The following SH3PXD2A variants were observed in gnomAD, a reference collection of about 807,000 sequenced individuals.
SH3PXD2A encodes the protein SH3 and PX domains 2A.
Under a neutral mutation model 115.2 loss-of-function variants are expected in SH3PXD2A, and 32 were observed. The ratio of observed to expected loss-of-function variants is 0.28; its 90% CI spans 0.21 to 0.37. The LOEUF (loss-of-function observed/expected upper bound fraction) is 0.37. SH3PXD2A is among the 10% of genes least tolerant of loss of function. SH3PXD2A has a pLI of 1.00. For synonymous variants in SH3PXD2A, 610 were observed against 629.1 expected, an observed-to-expected ratio of 0.97 and a Z score of 0.45; for missense variants, 1,328 against 1,498.7, an observed-to-expected ratio of 0.89 and a Z score of 1.88.
chr10:103,704,576 C>T (rs1203809942), intron 5 of SH3PXD2A, among the ~76,000 whole-genome samples: 8 of 152,334 alleles, frequency 5.3e-5, no homozygotes, highest in South Asian at 2.1e-4. Flanking sequence ...GGATCCCCCT[C>T]GATGCTGGAC....
chr10:103,679,571 A>G (rs1424255045), intron 6 of SH3PXD2A, among the ~76,000 whole-genome samples: 1 of 152,248 alleles, frequency 6.6e-6, no homozygotes, highest in Non-Finnish European at 1.5e-5. Flanking sequence ...TCCCCTGACC[A>G]GAACCCTGTG....
At chr10:103,731,818 AAGTCTGGGAAGTGGGAATAAAAATGAATG>A (rs2038323145) in intron 4 of SH3PXD2A, among the ~76,000 whole-genome samples, 1 of 152,194 alleles carries the variant, frequency 6.6e-6, no homozygotes. Flanking sequence ...CTCAGTTTTC[AAGTCTGGGAAGTGGGAATAAAAATGAATG>A]AGTCTGGGAA....
At chr10:103,682,500 G>A (rs1246363654) in intron 6 of SH3PXD2A, among the ~76,000 whole-genome samples, 5 of 152,218 alleles carry the variant, frequency 3.3e-5, no homozygotes, top group African/African-American at 7.2e-5. Context: ...GCTCATGCCT[G>A]TAATCGCAGC....
chr10:103,656,851 C>T (rs1240874464), intron 8 of SH3PXD2A, among the ~76,000 whole-genome samples: 1 of 138,678 alleles, frequency 7.2e-6, no homozygotes, highest in African/African-American at 2.7e-5. Flanking sequence ...AAAAAATCTA[C>T]ATGGTAAGTA....
chr10:103,815,365 G>GTA (rs1354533856), intron 1 of SH3PXD2A, among the ~76,000 whole-genome samples: 5 of 149,310 alleles, frequency 3.3e-5, no homozygotes, highest in African/African-American at 4.9e-5. Flanking sequence ...AGAAATTGTG[G>GTA]TATATATATG....
At chr10:103,810,890 A>T (rs898843665) in intron 1 of SH3PXD2A, among the ~76,000 whole-genome samples, 1 of 93,304 alleles carries the variant, frequency 1.1e-5, no homozygotes. Flanking sequence ...ACAGGGACAC[A>T]TACACACAGA....
chr10:103,621,836 C>T (rs1342422656), intron 10 of SH3PXD2A, among the ~76,000 whole-genome samples: 3 of 152,240 alleles, frequency 2.0e-5, no homozygotes, highest in African/African-American at 4.8e-5. Context: ...CCTGGACTCC[C>T]CTGGATCAGG....
At chr10:103,755,745 C>G (rs1007475848) in intron 3 of SH3PXD2A, among the ~76,000 whole-genome samples, 7 of 152,012 alleles carry the variant, frequency 4.6e-5, no homozygotes, top group African/African-American at 1.7e-4. Flanking sequence ...CTCAGAACCA[C>G]CCCCTACCCG....
rs1163975502 is a variant in SH3PXD2A, at chr10:103,601,784, C to T, written c.*32G>A. The stretch of plus-strand genomic sequence containing the variant: ...CTCATCCAGTGGGCGGCCAGAGAGG[C>T]ACACTGAGGCTGGAAGAGCCCAGGC... On this transcript the variant is annotated 3_prime_UTR_variant, in exon 15 of 15. Transcript: ENST00000369774. 2.1e-6 allele frequency: 3 copies of T among 1,434,748 alleles called. No homozygotes were observed. In the African/African-American group the frequency reaches 4.4e-5, roughly 21 times the overall value. 88.9% of individuals were successfully genotyped at this position (1,434,748 alleles called of 1,614,324 possible).
rs1003926583 is a variant in SH3PXD2A, at chr10:103,801,473, T to C, written c.73-111A>G. On this transcript the variant is annotated intron_variant, in intron 1 of 14. Transcript: ENST00000369774. Reference sequence around the variant, plus strand: ...CCATATGGCAGGACCACTCTTTTACTCATCTCATCTGTCCCTAGGGGCTAG... The same window carrying C: ...CCATATGGCAGGACCACTCTTTTACCCATCTCATCTGTCCCTAGGGGCTAG... 7.4e-6 allele frequency: 5 copies of C among 676,498 alleles called. No individual in the cohort carries two copies. The African/African-American group carries it at 8.8e-5, about 12-fold the overall frequency. The allele number at this position is 676,498 out of a possible 1,614,324, so 41.9% of individuals were successfully genotyped here.
At chr10:103,777,672 C>T (rs2038893433) in intron 2 of SH3PXD2A, among the ~76,000 whole-genome samples, 1 of 152,242 alleles carries the variant, frequency 6.6e-6, no homozygotes, top group East Asian at 1.9e-4. Context: ...GTACCGATGC[C>T]TGTCCCCAAA....
chr10:103,606,017 C>T (rs2036294683), intron 13 of SH3PXD2A, 100 bp from the exon 14 acceptor site: 2 of 1,226,584 alleles, frequency 1.6e-6, no homozygotes, highest in East Asian at 5.0e-5. Flanking sequence ...GTGCGGATGG[C>T]CGTTTACACC....
chr10:103,655,194 C>T lies in SH3PXD2A; in HGVS notation c.604+5789G>A, dbSNP rs151222411. Among the ~76,000 whole-genome samples, 475 of 152,292 alleles carry T rather than the reference C, an allele frequency of 3.1e-3. 1 individual carries two copies. Among genetic ancestry groups the T allele is most frequent in the Middle Eastern group, 0.017 (5 of 294 alleles). On this transcript the variant is annotated intron_variant, in intron 8 of 14. Transcript: ENST00000369774. The stretch of plus-strand genomic sequence containing the variant: ...CTTTCTGATGGCTGGGACAGGACCT[C>T]GTGGGGCCAGGCACCACCTCTGTGG...
chr10:103,692,581 C>G (rs1354648041), intron 6 of SH3PXD2A, among the ~76,000 whole-genome samples: 5 of 152,260 alleles, frequency 3.3e-5, no homozygotes, highest in African/African-American at 1.2e-4. Context: ...TTCACCTTCT[C>G]GCAGGAAAGC....
At chr10:103,852,733 G>A (rs958002475) in intron 1 of SH3PXD2A, among the ~76,000 whole-genome samples, 12 of 152,186 alleles carry the variant, frequency 7.9e-5, no homozygotes, top group African/African-American at 2.7e-4. Flanking sequence ...GTCCCACCAG[G>A]CCCTTTCTAT....
At chr10:103,699,099 G>A (rs1243546681) in intron 5 of SH3PXD2A, among the ~76,000 whole-genome samples, 4 of 152,080 alleles carry the variant, frequency 2.6e-5, no homozygotes, top group African/African-American at 9.7e-5. Flanking sequence ...TAAGAGGAGA[G>A]GTTGACAGCT....
At chr10:103,789,479 C>G (rs2039013624) in intron 2 of SH3PXD2A, among the ~76,000 whole-genome samples, 2 of 152,166 alleles carry the variant, frequency 1.3e-5, no homozygotes, top group Non-Finnish European at 2.9e-5. Context: ...TTCCCTCCAG[C>G]AGGAAGAGAG....
At chr10:103,694,498 C>G (rs1214173396) in intron 5 of SH3PXD2A, among the ~76,000 whole-genome samples, 1 of 151,696 alleles carries the variant, frequency 6.6e-6, no homozygotes, top group Non-Finnish European at 1.5e-5. Context: ...ATCGACCTTT[C>G]CCAAAACTTA....
chr10:103,602,412 G>T lies in SH3PXD2A; in HGVS notation c.2806C>A (p.Leu936Met), dbSNP rs999203137. Residue 936 changes from leucine (L) to methionine (M), a missense_variant, in exon 15 of 15, where the codon CTG (leucine) becomes ATG (methionine). Leu to Met is a conservative substitution (Grantham distance 15). Transcript: ENST00000369774. Reference protein sequence around the residue: ...LEKIERRVQALNTVNQSKKAT... With the variant: ...LEKIERRVQAMNTVNQSKKAT... ...TTCTTGCTCTGGTTGACGGTGTTCA[G>T]TGCTTGGACGCGCCTCTCGATCTTC... 2 of 1,614,034 alleles carry T rather than the reference G, an allele frequency of 1.2e-6. No individual in the cohort carries two copies. The highest frequency in any genetic ancestry group is 1.3e-5 in the African/African-American group (1 of 74,934).
Sources: gnomAD v4.1 joint callset for allele counts (sites outside exome capture counted in the v4.1 genomes callset) on GRCh38, gnomAD v4.1.1 for gene constraint, MANE v1.5 for transcripts, NCBI Gene and HGNC (gene_info 2026-07-23, HGNC 2026-07-21) for gene names.